MTHFD1: variants seen among roughly 807,000 people sequenced by gnomAD.
MTHFD1 encodes the protein methylenetetrahydrofolate dehydrogenase, cyclohydrolase and formyltetrahydrofolate synthetase 1, also known as C-1-tetrahydrofolate synthase, cytoplasmic.
MTHFD1 carries 44 observed loss-of-function variants against 110.3 expected under a neutral mutation model. The ratio of observed to expected loss-of-function variants is 0.40; its 90% CI spans 0.31 to 0.51. The LOEUF is 0.51. Ranked by LOEUF, MTHFD1 falls within the 20% of genes least tolerant of loss-of-function variation. The probability of loss-of-function intolerance (pLI) is 0.60; values close to 1 mark genes in which losing one functional copy is unlikely to be tolerated. For missense variants in MTHFD1, 909 were observed against 1,173.1 expected (o/e 0.77, Z 3.29); for synonymous variants, 402 against 428.8 (o/e 0.94, Z 0.77).
chr14:64,412,939 C>T (rs114889952), intron 4 of MTHFD1, among the ~76,000 whole-genome samples: 2,437 of 151,956 alleles, frequency 0.016, 64 homozygotes, highest in African/African-American at 0.056. Flanking sequence ...CGCCTGGCAC[C>T]TCCAGGTATT....
At position 64,396,153 on chromosome 14, in the gene MTHFD1, T is replaced by A. The variant is rs555315994; in HGVS notation, c.42-4640T>A. The stretch of plus-strand genomic sequence containing the variant: ...ATAATAATTTTTTTAGTAAATATTC[T>A]TATGTAATAATAGTACTATTGTCAG... On this transcript the variant is annotated intron_variant, in intron 1 of 27. Coordinates refer to ENST00000652337, the MANE Select transcript of MTHFD1 (RefSeq NM_005956.4). 2.6e-5 allele frequency among the ~76,000 whole-genome samples: 4 copies of A among 152,294 alleles called. No homozygotes were observed. The South Asian group carries it at 8.3e-4, about 32-fold the overall frequency.
chr14:64,448,193 G>A (rs1406486284), intron 22 of MTHFD1, 24 bp from the exon 23 acceptor site: 8 of 1,557,656 alleles, frequency 5.1e-6, no homozygotes, highest in Non-Finnish European at 7.1e-6. Flanking sequence ...TGATCTCATA[G>A]GCCTTTCACT....
At chr14:64,437,827 G>A (rs1566569812) in intron 16 of MTHFD1, among the ~76,000 whole-genome samples, 1 of 152,140 alleles carries the variant, frequency 6.6e-6, no homozygotes, top group Non-Finnish European at 1.5e-5. Context: ...CACTCTCCCA[G>A]CACCTGGATG....
chr14:64,437,545 C>G (rs1251601964), intron 16 of MTHFD1, among the ~76,000 whole-genome samples: 4 of 152,188 alleles, frequency 2.6e-5, no homozygotes, highest in Admixed American at 6.5e-5. Context: ...TGATTTAACT[C>G]AATTCTGACA....
At chr14:64,425,892 TG>T in intron 10 of MTHFD1, 65 bp downstream of exon 10, 1 of 1,572,260 alleles carries the variant, frequency 6.4e-7, no homozygotes, top group South Asian at 1.1e-5. Context: ...ACAGATACTG[TG>T]GGTTCACATA....
chr14:64,405,511 T>A (rs911637702), intron 2 of MTHFD1, among the ~76,000 whole-genome samples: 1 of 152,210 alleles, frequency 6.6e-6, no homozygotes, highest in Non-Finnish European at 1.5e-5. Flanking sequence ...TCTTTTTCGC[T>A]GTGGTGCTGG....
rs372373469 is a variant in MTHFD1, at chr14:64,437,500, T to G, written c.1598-1596T>G. On this transcript the variant is annotated intron_variant, in intron 16 of 27. Coordinates refer to ENST00000652337, the MANE Select transcript of MTHFD1 (RefSeq NM_005956.4). ...TTTTCTCTTCCACAACAATTCAGCT[T>G]TCACTTCTCCAGTGGATATTGACTG... Among the ~76,000 whole-genome samples the G allele has an allele frequency of 1.9e-4, 29 of 152,356 alleles. No individual in the cohort carries two copies. The East Asian group carries it at 2.3e-3, about 12-fold the overall frequency.
Position 64,427,481 on chromosome 14 carries a change from T to C in MTHFD1, c.1264+8T>C. 6.2e-7 allele frequency: 1 copy of C among 1,614,028 alleles called. No individual in the cohort carries two copies. The highest frequency in any genetic ancestry group is 8.5e-7 in the Non-Finnish European group (1 of 1,179,966). ...CCACCTTTGGAATAAAAGGTACTAG[T>C]GAGACTGGACCATGGGTGGTGACAG... On this transcript the variant is annotated splice_region_variant and intron_variant, in intron 12 of 27. Transcript: ENST00000652337.
intron 13 of MTHFD1, among the ~76,000 whole-genome samples, chr14:64,430,645 G>A (rs2078151042): frequency 6.6e-6 from 1 of 152,040 alleles, no homozygotes; most frequent in Non-Finnish European, 1.5e-5. Flanking sequence ...CTTTTTTGTA[G>A]AGCTCTTAGC....
At chr14:64,457,459 CTTTT>C (rs35789478) in intron 26 of MTHFD1, among the ~76,000 whole-genome samples, 1 of 143,194 alleles carries the variant, frequency 7.0e-6, no homozygotes, top group African/African-American at 2.6e-5. Flanking sequence ...TTTTCTTTTC[CTTTT>C]TTTTTTTTTT....
intron 4 of MTHFD1, 107 bp from the exon 5 acceptor site, chr14:64,415,251 A>T: frequency 1.1e-6 from 1 of 898,830 alleles, no homozygotes; most frequent in Non-Finnish European, 1.8e-6. Flanking sequence ...GACTATAATT[A>T]AAGTGTTGGG....
chr14:64,396,830 C>T (rs1214037862), intron 1 of MTHFD1, among the ~76,000 whole-genome samples: 5 of 150,120 alleles, frequency 3.3e-5, no homozygotes, highest in Non-Finnish European at 5.9e-5. Context: ...AATAGCTGGG[C>T]GCCGTGGCTC....
In MTHFD1 at chr14:64,456,332, G is replaced by A. The variant is rs147040021; in HGVS notation, c.2718+1457G>A. Among the ~76,000 whole-genome samples, 678 of 152,310 alleles carry A rather than the reference G, an allele frequency of 4.5e-3. 6 individuals carry two copies. Among genetic ancestry groups the A allele is most frequent in the Middle Eastern group, 0.014 (4 of 292 alleles). ...ACTATTCTAACACCTTCCAGTTGCC[G>A]TTGGGGCCTTAACGAGACTCAGATT... On this transcript the variant is annotated intron_variant, in intron 26 of 27. Transcript: ENST00000652337.
chr14:64,431,386 A>G, intron 13 of MTHFD1, 146 bp from the exon 14 acceptor site: 2 of 707,514 alleles, frequency 2.8e-6, no homozygotes, highest in South Asian at 3.1e-5. Context: ...GTTTTCAAGA[A>G]CTCCCTATAT....
chr14:64,388,394 G>A lies in MTHFD1; in HGVS notation c.-34G>A. 2 of 1,614,168 alleles carry A rather than the reference G, an allele frequency of 1.2e-6. No individual in the cohort carries two copies. Among genetic ancestry groups the A allele is most frequent in the Non-Finnish European group, 8.5e-7 (1 of 1,180,036 alleles). The stretch of plus-strand genomic sequence containing the variant: ...GAGGGAGTGGAACCTCGATATTGGT[G>A]GTGTCCATCGTGGGCAGCGGACTAA... On this transcript the variant is annotated 5_prime_UTR_variant, in exon 1 of 28. Transcript: ENST00000652337.
intron 16 of MTHFD1, 136 bp downstream of exon 16, chr14:64,435,807 G>A: frequency 1.4e-6 from 1 of 701,308 alleles, no homozygotes; most frequent in Non-Finnish European, 2.7e-6. Context: ...CCAAGATGGT[G>A]ACATTATTTC....
chr14:64,420,977 A>G (rs2078065099), intron 8 of MTHFD1, among the ~76,000 whole-genome samples: 1 of 152,222 alleles, frequency 6.6e-6, no homozygotes, highest in African/African-American at 2.4e-5. Flanking sequence ...GATCCAAGAA[A>G]GGAACAATCT....
chr14:64,458,044 T>C, intron 26 of MTHFD1, 170 bp from the exon 27 acceptor site: 2 of 663,074 alleles, frequency 3.0e-6, no homozygotes, highest in South Asian at 3.4e-5. Context: ...GCACATGCCA[T>C]CATATCCAGC....
In MTHFD1 at chr14:64,388,387, T is replaced by C. The variant is rs1211127483; in HGVS notation, c.-41T>C. 1.2e-6 allele frequency: 2 copies of C among 1,614,004 alleles called. No homozygotes were observed. Among genetic ancestry groups the C allele is most frequent in the Non-Finnish European group, 1.7e-6 (2 of 1,180,022 alleles). On this transcript the variant is annotated 5_prime_UTR_variant, in exon 1 of 28. Coordinates refer to ENST00000652337, the MANE Select transcript of MTHFD1 (RefSeq NM_005956.4). ...GGCTGCGGAGGGAGTGGAACCTCGA[T>C]ATTGGTGGTGTCCATCGTGGGCAGC...
Sources: gnomAD v4.1 joint callset for allele counts (sites outside exome capture counted in the v4.1 genomes callset) on GRCh38, gnomAD v4.1.1 for gene constraint, MANE v1.5 for transcripts, NCBI Gene and HGNC (gene_info 2026-07-23, HGNC 2026-07-21) for gene names.